Variants in CCDC57 observed in about 807,000 individuals in gnomAD.
CCDC57 encodes the protein coiled-coil domain containing 57, also known as coiled-coil domain-containing protein 57.
Under a neutral mutation model 118.9 loss-of-function variants are expected in CCDC57, and 118 were observed. That is an observed-to-expected ratio of 0.99 (90% CI 0.86 to 1.16). CCDC57 has a LOEUF of 1.16. Ranked by LOEUF, CCDC57 falls within the 50% of genes most tolerant of loss-of-function variation. CCDC57 has a pLI of 0.00. For synonymous variants in CCDC57, 527 were observed against 532.9 expected (o/e 0.99, Z 0.15); for missense variants, 1,300 against 1,320.7 (o/e 0.98, Z 0.24).
intron 16 of CCDC57, among the ~76,000 whole-genome samples, chr17:82,148,208 AGATGGATG>A (rs1467357998): frequency 2.5e-5 from 1 of 39,864 alleles, no homozygotes; most frequent in South Asian, 7.6e-4. Context: ...CGTGGATGGT[AGATGGATG>A]GATGGATGGG....
At chr17:82,119,456 G>A (rs533515013) in intron 19 of CCDC57, among the ~76,000 whole-genome samples, 120 of 151,536 alleles carry the variant, frequency 7.9e-4, no homozygotes, top group African/African-American at 2.8e-3. Context: ...GTGCACCTAC[G>A]GGTACCCCAC....
intron 19 of CCDC57, chr17:82,126,845 T>C: frequency 1.0e-6 from 1 of 984,968 alleles, no homozygotes. Context: ...AAGGAGAGAA[T>C]GATTAAATGA....
exon 10 of CCDC57, chr17:82,179,039 C>T: frequency 1.2e-6 from 2 of 1,613,464 alleles, no homozygotes; most frequent in Non-Finnish European, 1.7e-6. Flanking sequence ...GACTTTTTGC[C>T]ATGCTCAGAC....
chr17:82,208,509 C>T (rs772576064), intron 1 of CCDC57, among the ~76,000 whole-genome samples: 3 of 152,068 alleles, frequency 2.0e-5, no homozygotes, highest in Non-Finnish European at 2.9e-5. Flanking sequence ...CCCGCCTCGG[C>T]CTCCCGAAGT....
chr17:82,155,221 T>G (rs1411246359), intron 15 of CCDC57: 4 of 152,232 alleles, frequency 2.6e-5, no homozygotes, highest in Non-Finnish European at 5.9e-5. Context: ...TGTGGGGAGA[T>G]GCTGCTTCGC....
intron 19 of CCDC57, chr17:82,127,108 C>T: frequency 1.0e-6 from 1 of 985,454 alleles, no homozygotes. Flanking sequence ...GGAGCTGGCA[C>T]TGTGACCTGC....
intron 13 of CCDC57, among the ~76,000 whole-genome samples, chr17:82,166,189 C>T (rs900601791): frequency 1.8e-4 from 27 of 151,882 alleles, no homozygotes; most frequent in African/African-American, 6.5e-4. Context: ...ATAGACAACA[C>T]CAAGATGACA....
intron 17 of CCDC57, among the ~76,000 whole-genome samples, chr17:82,133,685 A>G (rs1236471617): frequency 6.6e-6 from 1 of 151,896 alleles, no homozygotes; most frequent in East Asian, 1.9e-4. Flanking sequence ...ATATGGTAAA[A>G]CCCCATCTCT....
intron 16 of CCDC57, among the ~76,000 whole-genome samples, chr17:82,147,618 T>TG (rs2040952684): frequency 3.6e-5 from 4 of 110,108 alleles, no homozygotes; most frequent in African/African-American, 3.6e-5. Context: ...GATGGATGGA[T>TG]GATTGGGCGG....
chr17:82,191,326 C>T (rs912867510), intron 7 of CCDC57, among the ~76,000 whole-genome samples: 2 of 152,106 alleles, frequency 1.3e-5, no homozygotes, highest in African/African-American at 4.8e-5. Context: ...ACAGACACTC[C>T]TGCAGAAGGG....
chr17:82,107,734 CATT>C, intron 19 of CCDC57: 2 of 393,222 alleles, frequency 5.1e-6, no homozygotes, highest in South Asian at 3.6e-5. Context: ...GGAGAAGACA[CATT>C]AGCCCTTGGG....
At position 82,212,125 on chromosome 17, in the gene CCDC57, T is replaced by A. The variant is rs893434398; in HGVS notation, c.-211+660A>T. On this transcript the variant is annotated intron_variant, in intron 1 of 19. Transcript: ENST00000665763. The surrounding 1 kb of genome is among the most constrained non-coding windows in gnomAD (Gnocchi z 4.1). The stretch of plus-strand genomic sequence containing the variant: ...TCAGTCGCTGGCAATACAGGACTCC[T>A]GAGTAGTCTCAGAGTGTGGCGTTCT... 1.3e-5 allele frequency among the ~76,000 whole-genome samples: 2 copies of A among 152,218 alleles called. No individual in the cohort carries two copies. The highest frequency in any genetic ancestry group is 2.4e-5 in the African/African-American group (1 of 41,458).
At chr17:82,124,321 T>C (rs569622704) in intron 19 of CCDC57, among the ~76,000 whole-genome samples, 27 of 152,102 alleles carry the variant, frequency 1.8e-4, no homozygotes, top group African/African-American at 2.9e-4. Flanking sequence ...ATCTGCAAAG[T>C]GCAGTATCTG....
chr17:82,164,480 A>G (rs2043742125), intron 13 of CCDC57, among the ~76,000 whole-genome samples: 1 of 152,220 alleles, frequency 6.6e-6, no homozygotes, highest in African/African-American at 2.4e-5. Context: ...AAATAAATGT[A>G]TAATAGAGAA....
rs55713414 is a variant in CCDC57, at chr17:82,199,477, C to CAAAA, written c.408-1059_408-1056dup. On this transcript the variant is annotated intron_variant, in intron 3 of 19. Transcript: ENST00000665763. ...TGGGCGACAGAGCAAGACTCTGTCT[C>CAAAA]AAAAAAAAAAAAAGAGTGTGAGACT... Among the ~76,000 whole-genome samples, 19 of 87,706 alleles carry CAAAA rather than the reference C, an allele frequency of 2.2e-4. 1 individual carries two copies. The highest frequency in any genetic ancestry group is 1.7e-3 in the East Asian group (3 of 1,736). 57.5% of individuals were successfully genotyped at this position (87,706 alleles called of 152,430 possible).
chr17:82,174,656 T>TA (rs1411945887), intron 11 of CCDC57, among the ~76,000 whole-genome samples: 11 of 152,238 alleles, frequency 7.2e-5, no homozygotes, highest in Non-Finnish European at 1.0e-4. Flanking sequence ...GATAACAACA[T>TA]AAAGCCTTGA....
At chr17:82,208,632 C>T (rs145131876) in intron 1 of CCDC57, among the ~76,000 whole-genome samples, 1 of 152,184 alleles carries the variant, frequency 6.6e-6, no homozygotes, top group Non-Finnish European at 1.5e-5. Context: ...GTACTCAGGA[C>T]AGAGGACTCA....
intron 3 of CCDC57, among the ~76,000 whole-genome samples, chr17:82,200,966 C>A (rs926291189): frequency 6.6e-6 from 1 of 152,160 alleles, no homozygotes; most frequent in Non-Finnish European, 1.5e-5. Flanking sequence ...GATGAACCTG[C>A]GGTACTTCTG....
At chr17:82,207,892 C>T (rs1287070011) in exon 2 of CCDC57, 2 of 152,074 alleles carry the variant, frequency 1.3e-5, no homozygotes, top group South Asian at 2.1e-4. Flanking sequence ...GGAACTGAAC[C>T]GAAGGACACC....
Sources: gnomAD v4.1 joint callset for allele counts (sites outside exome capture counted in the v4.1 genomes callset) on GRCh38, gnomAD v4.1.1 for gene constraint, Gnocchi (gnomAD v3.1) non-coding constraint, MANE v1.5 for transcripts, NCBI Gene and HGNC (gene_info 2026-07-23, HGNC 2026-07-21) for gene names.